Variants in UNC80 observed in about 807,000 individuals in gnomAD.
UNC80 encodes unc-80 subunit of NALCN channel complex.
In UNC80, 164 loss-of-function variants were observed where a neutral mutation model predicts 384.6. That is an observed-to-expected ratio of 0.43 (90% CI 0.38 to 0.49). UNC80 has a LOEUF of 0.49. Ranked by LOEUF, UNC80 falls within the 20% of genes least tolerant of loss-of-function variation. The pLI is 0.00. For synonymous variants in UNC80, 1,486 were observed against 1,527.8 expected, an observed-to-expected ratio of 0.97 and a Z score of 0.64; for missense variants, 3,330 against 4,143.0, an observed-to-expected ratio of 0.80 and a Z score of 5.39.
chr2:209,964,598 C>G (rs2092691130), intron 51 of UNC80, among the ~76,000 whole-genome samples: 1 of 151,972 alleles, frequency 6.6e-6, no homozygotes, highest in African/African-American at 2.4e-5. Flanking sequence ...ACCATCCTGG[C>G]CAACATAGTG....
chr2:209,973,225 C>T lies in UNC80; in HGVS notation c.8542C>T (p.Arg2848Cys), dbSNP rs1171092863. The change falls in exon 56 of 65, where the codon CGC (arginine) becomes TGC (cysteine). Residue 2848 changes from arginine to cysteine, a missense_variant. Around this residue, in one of 8 missense-constraint regions of UNC80, gnomAD observed 1,049 missense variants for 1,488.6 expected, o/e 0.70. Coordinates refer to ENST00000673920, the MANE Select transcript of UNC80 (RefSeq NM_001371986.1). ...CCCTGGGGATGCGGGGAAAGACTTG[C>T]GCAGGGAAGGGCTGGCTGAGTCCAC... ...STPGDAGKDLRREGLAESTSQ... is the reference protein window; with the variant it reads ...STPGDAGKDLCREGLAESTSQ... 1.3e-5 allele frequency: 20 copies of T among 1,551,554 alleles called. No individual in the cohort carries two copies. The highest frequency in any genetic ancestry group is 3.6e-5 in the South Asian group (3 of 84,050).
Position 209,914,062 on chromosome 2 carries a change from A to G in UNC80, c.5029+122A>G, listed in dbSNP as rs111699926. On this transcript the variant is annotated intron_variant, in intron 31 of 64. Transcript: ENST00000673920. ...CTAGGTCAAGTTAATGGCAATTGCT[A>G]TAACTGTAGACTCTAGAGCTGTGTG... 180 of 1,207,770 alleles carry G rather than the reference A, an allele frequency of 1.5e-4. 4 individuals are homozygous for G. The South Asian group carries it at 2.4e-3, about 16-fold the overall frequency. The allele number at this position is 1,207,770 out of a possible 1,614,324, so 74.8% of individuals were successfully genotyped here.
Position 209,815,266 on chromosome 2 carries a change from A to G in UNC80, c.1210A>G (p.Met404Val), listed in dbSNP as rs759961895. The change falls in exon 9 of 65, where the codon ATG becomes GTG. Residue 404 changes from methionine to valine, a missense_variant. Met to Val is a conservative substitution (Grantham distance 21). This residue lies in a region of UNC80 where 937 missense variants were observed against 1,026.8 expected (regional missense o/e 0.91). Transcript: ENST00000673920. ...GTCTACCTTTATTAAGGATCTCACC[A>G]TGAAGTGTAACGAGGAGGAAAAATC... ...VNTHKTQDLTMKCNEEEKSLS... is the reference protein window; with the variant it reads ...VNTHKTQDLTVKCNEEEKSLS... 1.3e-6 allele frequency: 2 copies of G among 1,551,626 alleles called. No individual in the cohort carries two copies. Among genetic ancestry groups the G allele is most frequent in the South Asian group, 1.2e-5 (1 of 84,050 alleles).
chr2:209,953,999 A>G (rs997090838), intron 47 of UNC80, 101 bp from the exon 48 acceptor site: 3 of 1,308,662 alleles, frequency 2.3e-6, no homozygotes, highest in Non-Finnish European at 3.0e-6. Flanking sequence ...TAGAATTCAT[A>G]TATCTCTAGA....
chr2:209,792,421 C>T (rs931784852), intron 6 of UNC80, among the ~76,000 whole-genome samples: 1 of 152,240 alleles, frequency 6.6e-6, no homozygotes, highest in Non-Finnish European at 1.5e-5. Context: ...GATCTTGGCT[C>T]ACTGAAAGCT....
intron 60 of UNC80, 71 bp downstream of exon 60, chr2:209,982,388 T>C (rs1217638385): frequency 6.2e-6 from 9 of 1,442,248 alleles, no homozygotes; most frequent in Non-Finnish European, 7.4e-6. Context: ...TACACTCCTG[T>C]TATTCTACAA....
At chr2:209,912,099 G>A (rs1454182781) in intron 29 of UNC80, among the ~76,000 whole-genome samples, 1 of 152,204 alleles carries the variant, frequency 6.6e-6, no homozygotes, top group Middle Eastern at 3.4e-3. Flanking sequence ...TCTCCTTTAT[G>A]ACCAAGTCAT....
At chr2:209,964,110 TCAAA>T (rs1171021356) in intron 51 of UNC80, among the ~76,000 whole-genome samples, 5 of 152,322 alleles carry the variant, frequency 3.3e-5, no homozygotes, top group African/African-American at 4.8e-5. Context: ...CTAGATCCTT[TCAAA>T]CAGTTATTCA....
At chr2:209,883,494 A>G (rs12468785) in intron 25 of UNC80, among the ~76,000 whole-genome samples, 64,339 of 145,128 alleles carry the variant, frequency 0.44, 14,323 homozygotes, top group South Asian at 0.59. Flanking sequence ...GCAGTGGTAT[A>G]ATCTCGGCTC....
intron 39 of UNC80, 81 bp from the exon 40 acceptor site, chr2:209,935,633 A>G (rs1034217694): frequency 3.0e-5 from 18 of 609,516 alleles, no homozygotes; most frequent in Middle Eastern, 3.6e-4. Context: ...CAGCTTATTG[A>G]TAATATTTTA....
At chr2:209,961,163 T>G (rs1479598207) in intron 51 of UNC80, 3 of 152,062 alleles carry the variant, frequency 2.0e-5, no homozygotes, top group Non-Finnish European at 4.4e-5. Context: ...ATACTCTTCT[T>G]AGGGCATTTG....
chr2:209,830,775 T>A (rs2080896591), intron 15 of UNC80, among the ~76,000 whole-genome samples: 1 of 152,168 alleles, frequency 6.6e-6, no homozygotes, highest in Admixed American at 6.5e-5. Flanking sequence ...GGTCGAAGGC[T>A]TCCATTCACG....
chr2:209,995,692 A>T lies in UNC80; in HGVS notation c.*97A>T. The T allele has an allele frequency of 2.9e-6, 4 of 1,400,718 alleles. No homozygotes were observed. The highest frequency in any genetic ancestry group is 3.8e-6 in the Non-Finnish European group (4 of 1,042,970). The allele number at this position is 1,400,718 out of a possible 1,614,324, so 86.8% of individuals were successfully genotyped here. On this transcript the variant is annotated 3_prime_UTR_variant, in exon 65 of 65. Coordinates refer to ENST00000673920, the MANE Select transcript of UNC80 (RefSeq NM_001371986.1). Reference sequence around the variant, plus strand: ...TTTGCTTGAAAAAGATTAATTACAAAATAGCACTTTACTTCTAATGGGTGG... The same window carrying T: ...TTTGCTTGAAAAAGATTAATTACAATATAGCACTTTACTTCTAATGGGTGG...
chr2:209,954,168 C>T lies in UNC80; in HGVS notation c.7355C>T (p.Ser2452Leu), dbSNP rs1226249247. ...CTACAAAAGCTAAAGAGGCAGACAT[C>T]ACAGGTGGAGACAGTACCTGCTGCC... ...CYLQKLKRQT[S>L]QVETVPAARE... The change falls in exon 48 of 65, where the codon TCA (serine) becomes TTA (leucine). Residue 2452 changes from serine to leucine, a missense_variant. By Grantham distance (145) the Ser-to-Leu change is moderately radical. Coordinates refer to ENST00000673920, the MANE Select transcript of UNC80 (RefSeq NM_001371986.1). 6.4e-7 allele frequency: 1 copy of T among 1,551,192 alleles called. No individual in the cohort carries two copies. Among genetic ancestry groups the T allele is most frequent in the Admixed American group, 2.0e-5 (1 of 50,996 alleles).
At chr2:209,949,699 A>C (rs2092072755) in intron 47 of UNC80, among the ~76,000 whole-genome samples, 1 of 152,134 alleles carries the variant, frequency 6.6e-6, no homozygotes, top group Non-Finnish European at 1.5e-5. Flanking sequence ...GCTGGTCTTA[A>C]ACTCCTGACC....
At position 209,969,905 on chromosome 2, in the gene UNC80, T is replaced by G; in HGVS notation, c.8130+14T>G. On this transcript the variant is annotated intron_variant, in intron 53 of 64. Transcript: ENST00000673920. ...TGTGTCAATCTGGTGAGTAGCCAAG[T>G]GGCAATCTTATGAAACTTTGCACAA... 6.4e-7 allele frequency: 1 copy of G among 1,551,272 alleles called. No homozygotes were observed. The highest frequency in any genetic ancestry group is 8.7e-7 in the Non-Finnish European group (1 of 1,146,798).
intron 47 of UNC80, 45 bp downstream of exon 47, chr2:209,945,988 G>T (rs893227061): frequency 3.9e-6 from 5 of 1,297,746 alleles, no homozygotes; most frequent in Non-Finnish European, 5.4e-6. Flanking sequence ...AGTAAATATG[G>T]CAGAGAAAAT....
Position 209,974,243 on chromosome 2 carries a change from G to A in UNC80, c.8587+973G>A, listed in dbSNP as rs187111358. ...TGTTTGAACTGCCTTATAATGGGAT[G>A]TGTTTGAAAATGAGGGGATTGACAA... On this transcript the variant is annotated intron_variant, in intron 56 of 64. Coordinates refer to ENST00000673920, the MANE Select transcript of UNC80 (RefSeq NM_001371986.1). Among the ~76,000 whole-genome samples, 37 of 152,304 alleles carry A rather than the reference G, an allele frequency of 2.4e-4. No individual in the cohort carries two copies. In the East Asian group the frequency reaches 3.7e-3, roughly 15 times the overall value.
rs1054039546 is a variant in UNC80, at chr2:209,849,749, T to C, written c.3627+126T>C. 7.9e-6 allele frequency: 8 copies of C among 1,013,538 alleles called. No individual in the cohort carries two copies. In the East Asian group the frequency reaches 1.8e-4, roughly 23 times the overall value. The allele number at this position is 1,013,538 out of a possible 1,614,324, so 62.8% of individuals were successfully genotyped here. A position where few individuals can be genotyped will look rare whatever the true frequency, so the allele number is the denominator to read the frequency against. ...TTGTTTGCTTTTTCAGAATTAGTGA[T>C]AAAAGGGGGAAGAAAGATGGTGAAA... is the stretch of plus-strand genomic sequence containing the variant. On this transcript the variant is annotated intron_variant, in intron 22 of 64. Transcript: ENST00000673920.
Sources: gnomAD v4.1 joint callset for allele counts (sites outside exome capture counted in the v4.1 genomes callset) on GRCh38, gnomAD v4.1.1 for gene constraint, gnomAD v4.1.1 regional missense constraint, MANE v1.5 for transcripts, NCBI Gene and HGNC (gene_info 2026-07-23, HGNC 2026-07-21) for gene names.